ANK1: variants seen among roughly 807,000 people sequenced by gnomAD.
ANK1 encodes the protein ankyrin-1.
A neutral mutation model predicts 210.4 loss-of-function variants in ANK1; 51 were observed. The observed-to-expected ratio is 0.24, with a 90% CI of 0.19 to 0.31. The LOEUF (loss-of-function observed/expected upper bound fraction) is 0.31, where lower values mean the gene tolerates loss of function less well. ANK1 is among the 10% of genes least tolerant of loss of function. ANK1 has a pLI of 1.00. For missense variants in ANK1, 2,051 were observed against 2,504.4 expected, an observed-to-expected ratio of 0.82 and a Z score of 3.86; for synonymous variants, 967 against 1,025.9, an observed-to-expected ratio of 0.94 and a Z score of 1.10.
At chr8:41,758,007 G>A in intron 2 of ANK1, 29 bp downstream of exon 2, 7 of 1,585,990 alleles carry the variant, frequency 4.4e-6, no homozygotes, top group Non-Finnish European at 6.1e-6. Context: ...ACTCTTCAGA[G>A]ACAACAGGCC....
chr8:41,690,126 C>T (rs2150585505), intron 33 of ANK1, 101 bp downstream of exon 33: 1 of 1,563,658 alleles, frequency 6.4e-7, no homozygotes, highest in South Asian at 1.1e-5. Context: ...AAGCTTCCAC[C>T]AGGAAGAAGC....
Position 41,725,950 on chromosome 8 carries a change from G to C in ANK1, c.427-4C>G. 1 of 1,612,930 alleles carries C rather than the reference G, an allele frequency of 6.2e-7. No homozygotes were observed. The highest frequency in any genetic ancestry group is 8.5e-7 in the Non-Finnish European group (1 of 1,179,840). The stretch of plus-strand genomic sequence containing the variant: ...CCGCCAGAGGCGTGAAGCCGTCCTG[G>C]CCAGAGGAGGAAAATGCTTTGCTCT... On this transcript the variant is annotated splice_region_variant and splice_polypyrimidine_tract_variant and intron_variant, in intron 5 of 42. Transcript: ENST00000289734.
intron 1 of ANK1, among the ~76,000 whole-genome samples, chr8:41,893,609 G>A (rs1819874293): frequency 6.6e-6 from 1 of 152,234 alleles, no homozygotes; most frequent in South Asian, 2.1e-4. Flanking sequence ...ATGCGGTTCT[G>A]CTCAGTCAGT....
intron 1 of ANK1, among the ~76,000 whole-genome samples, chr8:41,875,166 C>A (rs1244744626): frequency 6.6e-6 from 1 of 152,220 alleles, no homozygotes. Context: ...GCCCTCCTGT[C>A]CTGTTCCTCC....
At chr8:41,874,571 G>T (rs578061763) in intron 1 of ANK1, among the ~76,000 whole-genome samples, 88 of 152,320 alleles carry the variant, frequency 5.8e-4, no homozygotes, top group Non-Finnish European at 8.8e-4. Context: ...CAGGGCATGG[G>T]GTGGAGATGA....
In ANK1 at chr8:41,696,351, G is replaced by C. The variant is rs377706260; in HGVS notation, c.2960+12C>G. 1 of 1,612,682 alleles carries C rather than the reference G, an allele frequency of 6.2e-7. No homozygotes were observed. ...GGACAGGGGAGAACACGGGCTGCCC[G>C]CGCAAGCTCACCTCAGGAACTGTGC... On this transcript the variant is annotated intron_variant, in intron 26 of 42. Transcript: ENST00000289734.
intron 1 of ANK1, among the ~76,000 whole-genome samples, chr8:41,859,705 T>A (rs142659766): frequency 6.4e-4 from 98 of 152,388 alleles, no homozygotes; most frequent in African/African-American, 2.3e-3. Flanking sequence ...ATTGATTGAT[T>A]GATTTCTTCC....
At chr8:41,804,520 A>T (rs1364394351) in intron 1 of ANK1, among the ~76,000 whole-genome samples, 2 of 152,200 alleles carry the variant, frequency 1.3e-5, no homozygotes, top group African/African-American at 2.4e-5. Context: ...TTAGTATCAT[A>T]TCATACTAAA....
At chr8:41,776,959 C>T (rs1490163974) in intron 1 of ANK1, among the ~76,000 whole-genome samples, 2 of 152,210 alleles carry the variant, frequency 1.3e-5, no homozygotes, top group Non-Finnish European at 1.5e-5. Flanking sequence ...ACACAGGGCT[C>T]ATCGTATTAT....
At chr8:41,698,970 TGTA>T in intron 23 of ANK1, among the ~76,000 whole-genome samples, 1 of 152,100 alleles carries the variant, frequency 6.6e-6, no homozygotes, top group Non-Finnish European at 1.5e-5. Context: ...CTATTTTTTT[TGTA>T]TTTTTAGTAG....
chr8:41,686,249 G>A lies in ANK1; in HGVS notation c.4293C>T (p.Asp1431=). 3 of 1,614,060 alleles carry A rather than the reference G, an allele frequency of 1.9e-6. No homozygotes were observed. Among genetic ancestry groups the A allele is most frequent in the Non-Finnish European group, 2.5e-6 (3 of 1,180,034 alleles). The change falls in exon 36 of 43, where the codon GAC becomes GAT. Residue 1431 remains aspartate, a synonymous_variant. Transcript: ENST00000289734. ...LARELQFSVE[D]INRIRVENPN... ...GATTTTCCACTCGGATCCTGTTGAT[G>A]TCTTCCACACTGAACTGCAGCTCCC...
intron 2 of ANK1, among the ~76,000 whole-genome samples, chr8:41,757,534 C>T (rs971528987): frequency 3.3e-5 from 5 of 152,322 alleles, no homozygotes; most frequent in Middle Eastern, 3.4e-3. Flanking sequence ...ACTCAGGAGC[C>T]CTGGAGAGCC....
intron 1 of ANK1, among the ~76,000 whole-genome samples, chr8:41,791,105 A>G (rs1163790911): frequency 6.7e-6 from 1 of 150,248 alleles, no homozygotes; most frequent in Non-Finnish European, 1.5e-5. Flanking sequence ...GCAAATCATC[A>G]TCACCCTCCA....
At position 41,672,853 on chromosome 8, in the gene ANK1, A is replaced by T; in HGVS notation, c.4597T>A (p.Ser1533Thr). 6.2e-7 allele frequency: 1 copy of T among 1,610,862 alleles called. No homozygotes were observed. Among genetic ancestry groups the T allele is most frequent in the Non-Finnish European group, 8.5e-7 (1 of 1,179,924 alleles). Reference protein sequence around the residue: ...SPASLGCALSSPLRADQYWNE... With the variant: ...SPASLGCALSTPLRADQYWNE... ...CAGTACTGGTCTGCACGTAGCGGAGAGGAAAGTGCACAGCCCAGGGAGGCA... is the reference window on the plus strand; with the variant it reads ...CAGTACTGGTCTGCACGTAGCGGAGTGGAAAGTGCACAGCCCAGGGAGGCA... Residue 1533 changes from serine (S) to threonine (T), a missense_variant, in exon 38 of 43, where the codon TCT becomes ACT. Ser to Thr is a moderately conservative substitution (Grantham distance 58). Around this residue, in one of 6 missense-constraint regions of ANK1, gnomAD observed 496 missense variants for 533.4 expected, o/e 0.93. Transcript: ENST00000289734.
At chr8:41,872,983 A>G (rs1242645451) in intron 1 of ANK1, among the ~76,000 whole-genome samples, 2 of 152,196 alleles carry the variant, frequency 1.3e-5, no homozygotes, top group African/African-American at 4.8e-5. Flanking sequence ...TAAATCCTCA[A>G]TCCTCTTCAA....
chr8:41,658,774 TCC>T (rs1806673492), intron 42 of ANK1, among the ~76,000 whole-genome samples: 1 of 152,118 alleles, frequency 6.6e-6, no homozygotes, highest in Admixed American at 6.5e-5. Context: ...ATGCCTGTAA[TCC>T]CAGCTACTCA....
At chr8:41,658,207 T>C (rs757744781) in intron 42 of ANK1, among the ~76,000 whole-genome samples, 1 of 152,070 alleles carries the variant, frequency 6.6e-6, no homozygotes, top group African/African-American at 2.4e-5. Context: ...TCAGCAACCA[T>C]CATAACCATC....
chr8:41,892,514 G>T (rs574637730), intron 1 of ANK1, among the ~76,000 whole-genome samples: 1 of 152,242 alleles, frequency 6.6e-6, no homozygotes, highest in East Asian at 1.9e-4. Flanking sequence ...CACTGTTGTT[G>T]TTACAAATGT....
At chr8:41,693,279 G>T in intron 29 of ANK1, 78 bp from the exon 30 acceptor site, 1 of 1,286,444 alleles carries the variant, frequency 7.8e-7, no homozygotes, top group Non-Finnish European at 1.1e-6. Context: ...CTAAGGCCGT[G>T]GTGTGCAAGG....
Sources: allele counts gnomAD v4.1 joint callset (sites outside exome capture counted in the v4.1 genomes callset), GRCh38; gene constraint gnomAD v4.1.1; regional missense constraint gnomAD v4.1.1; transcripts MANE v1.5; gene names NCBI Gene and HGNC (gene_info 2026-07-23, HGNC 2026-07-21).